The following AP5Z1 variants were observed in gnomAD, a reference collection of about 807,000 sequenced individuals.
The protein encoded by AP5Z1 is AP-5 complex subunit zeta-1.
In AP5Z1, 106 loss-of-function variants were observed where a neutral mutation model predicts 83.0. That is an observed-to-expected ratio of 1.28 (90% confidence interval 1.09 to 1.50). The LOEUF (loss-of-function observed/expected upper bound fraction) is 1.50, where lower values mean the gene tolerates loss of function less well. Among genes scored for constraint, AP5Z1 ranks in the 40% most tolerant of loss-of-function variants. AP5Z1 has a pLI of 0.00. For synonymous variants in AP5Z1, 751 were observed against 514.1 expected, an observed-to-expected ratio of 1.46 and a Z score of -6.23; for missense variants, 1,565 against 1,094.2, an observed-to-expected ratio of 1.43 and a Z score of -6.07.
chr7:4,785,074 C>G (rs754725437), intron 7 of AP5Z1, 26 bp downstream of exon 7: 2 of 1,575,634 alleles, frequency 1.3e-6, no homozygotes, highest in South Asian at 2.3e-5. Flanking sequence ...AGGGCACTGG[C>G]CTCCCCAGGG....
At chr7:4,780,584 G>A (rs1370809720) in intron 1 of AP5Z1, among the ~76,000 whole-genome samples, 1 of 152,156 alleles carries the variant, frequency 6.6e-6, no homozygotes, top group Non-Finnish European at 1.5e-5. Flanking sequence ...CCAACATGGT[G>A]AAACCCTGTC....
At chr7:4,788,800 C>A (rs764587833) in intron 12 of AP5Z1, 40 bp from the exon 13 acceptor site, 19 of 1,514,168 alleles carry the variant, frequency 1.3e-5, no homozygotes, top group Non-Finnish European at 1.4e-5. Context: ...GTCACCAGGT[C>A]GGGGAGCGGG....
At chr7:4,783,630 A>G (rs1781446897) in intron 4 of AP5Z1, 59 bp from the exon 5 acceptor site, 5 of 1,517,282 alleles carry the variant, frequency 3.3e-6, no homozygotes. Flanking sequence ...CAGCATCCCA[A>G]CAACCCAGGC....
intron 1 of AP5Z1, among the ~76,000 whole-genome samples, chr7:4,776,380 C>T (rs995069424): frequency 6.6e-6 from 1 of 151,966 alleles, no homozygotes; most frequent in African/African-American, 2.4e-5. Flanking sequence ...AACAGACTCA[C>T]GGTCCACCAA....
chr7:4,788,799 TC>T (rs1463352998), intron 12 of AP5Z1, 40 bp from the exon 13 acceptor site: 1 of 1,506,930 alleles, frequency 6.6e-7, no homozygotes, highest in African/African-American at 1.4e-5. Context: ...AGTCACCAGG[TC>T]GGGGAGCGGG....
chr7:4,783,893 G>A (rs1046042065), intron 5 of AP5Z1, 95 bp downstream of exon 5: 51 of 1,304,562 alleles, frequency 3.9e-5, no homozygotes, highest in East Asian at 7.6e-5. Flanking sequence ...GCCTGCTGTC[G>A]TTCCGCGGGG....
rs543467648 is a variant in AP5Z1 at position 4,790,699 on chromosome 7, G to C, written c.1965G>C (p.Ser655=). The C allele has an allele frequency of 1.4e-4, 225 of 1,611,372 alleles. 1 individual carries two copies. In the South Asian group the frequency reaches 2.4e-3, roughly 17 times the overall value. ...TGTGGGCCATCGGCGAGTACCTGTC[G>C]GTGACCTACGATCGGAGGTGCACCG... ...SVVWAIGEYL[S]VTYDRRCTVE... is the part of the protein sequence containing the mutation. The change falls in exon 16 of 17, where the codon TCG becomes TCC. Residue 655 remains serine, a synonymous_variant. Coordinates refer to ENST00000649063, the MANE Select transcript of AP5Z1 (RefSeq NM_014855.3).
chr7:4,790,232 C>T, intron 14 of AP5Z1: 3 of 1,549,538 alleles, frequency 1.9e-6, no homozygotes, highest in Non-Finnish European at 1.7e-6. Flanking sequence ...CATGCAGGCC[C>T]ATCCTGGTTC....
At chr7:4,783,989 C>T (rs751399698) in intron 5 of AP5Z1, among the ~76,000 whole-genome samples, 191 bp downstream of exon 5, 8 of 152,124 alleles carry the variant, frequency 5.3e-5, no homozygotes, top group East Asian at 1.9e-4. Context: ...GGTCTGTGCG[C>T]GGGTTCAGTC....
intron 1 of AP5Z1, among the ~76,000 whole-genome samples, chr7:4,777,816 G>A (rs959429841): frequency 6.6e-6 from 1 of 152,134 alleles, no homozygotes; most frequent in Admixed American, 6.6e-5. Context: ...CCTCTGTTAG[G>A]GTTTCAAGAA....
chr7:4,787,402 C>G (rs1370257855), intron 10 of AP5Z1, among the ~76,000 whole-genome samples: 1 of 152,138 alleles, frequency 6.6e-6, no homozygotes, highest in African/African-American at 2.4e-5. Context: ...GGGAGGATCA[C>G]TTGAGCCTGG....
Position 4,791,751 on chromosome 7 carries a change from A to AT in AP5Z1, c.*366_*367insT. On this transcript the variant is annotated 3_prime_UTR_variant, in exon 17 of 17. Transcript: ENST00000649063. ...GCTGCAGTAAAAGTAAATCTCCTTT[A>AT]ATAAGCGTCTGTATGAAGAGTGCGC... 3.3e-6 allele frequency: 1 copy of AT among 304,472 alleles called. No homozygotes were observed. Among genetic ancestry groups the AT allele is most frequent in the Non-Finnish European group, 6.2e-6 (1 of 162,274 alleles). 18.9% of individuals were successfully genotyped at this position (304,472 alleles called of 1,614,324 possible).
chr7:4,791,003 C>T (rs1326148266), intron 16 of AP5Z1, 112 bp from the exon 17 acceptor site: 4 of 1,464,366 alleles, frequency 2.7e-6, no homozygotes, highest in Middle Eastern at 2.2e-4. Flanking sequence ...CCTGGGTGGG[C>T]CCTGCTGAGC....
At position 4,784,342 on chromosome 7, in the gene AP5Z1, G is replaced by A; in HGVS notation, c.761G>A (p.Gly254Asp). 1 of 1,592,970 alleles carries A rather than the reference G, an allele frequency of 6.3e-7. No individual in the cohort carries two copies. Among genetic ancestry groups the A allele is most frequent in the Admixed American group, 1.7e-5 (1 of 57,566 alleles). Residue 254 changes from glycine to aspartate, a missense_variant, in exon 6 of 17, where the codon GGC becomes GAC. Transcript: ENST00000649063. ...CTGCGGGCGTGGCTGCTGCACAGCG[G>A]CCCCGAGGGCCCGGGCACCCTGGAC... ...SMLRAWLLHS[G>D]PEGPGTLDTD...
chr7:4,785,722 G>A (rs1044771618), intron 9 of AP5Z1, 38 bp downstream of exon 9: 10 of 1,412,906 alleles, frequency 7.1e-6, no homozygotes, highest in Non-Finnish European at 9.2e-6. Flanking sequence ...TCGGGGCTCT[G>A]CTTCTGCCTT....
At chr7:4,776,255 G>A (rs533898614) in intron 1 of AP5Z1, among the ~76,000 whole-genome samples, 1 of 151,598 alleles carries the variant, frequency 6.6e-6, no homozygotes, top group East Asian at 1.9e-4. Flanking sequence ...TAGCTAGGCT[G>A]AGAAATCACC....
At chr7:4,779,356 T>G (rs964309503) in intron 1 of AP5Z1, among the ~76,000 whole-genome samples, 1 of 145,494 alleles carries the variant, frequency 6.9e-6, no homozygotes, top group African/African-American at 2.6e-5. Context: ...TAACATGTTA[T>G]ATATCATAAC....
In AP5Z1 at chr7:4,785,619, G is replaced by T. The variant is rs770709077; in HGVS notation, c.1067G>T (p.Arg356Leu). 1.9e-6 allele frequency: 3 copies of T among 1,578,822 alleles called. No individual in the cohort carries two copies. The highest frequency in any genetic ancestry group is 2.3e-5 in the South Asian group (2 of 87,266). The change falls in exon 9 of 17, where the codon CGG becomes CTG. Residue 356 changes from arginine to leucine, a missense_variant. By Grantham distance (102) the Arg-to-Leu change is moderately radical. Transcript: ENST00000649063. ...SLSCLKALHG[R>L]VRGDPASVRV... ...TCCTGCCTGAAGGCCCTGCACGGGC[G>T]GGTGCGCGGGGACCCGGCCTCTGTG...
intron 1 of AP5Z1, among the ~76,000 whole-genome samples, chr7:4,777,782 A>C (rs1021631141): frequency 2.0e-5 from 3 of 152,132 alleles, no homozygotes; most frequent in Non-Finnish European, 2.9e-5. Flanking sequence ...TTCCCTATGT[A>C]ACATACATGA....
Sources: allele counts gnomAD v4.1 joint callset (sites outside exome capture counted in the v4.1 genomes callset), GRCh38; gene constraint gnomAD v4.1.1; transcripts MANE v1.5; gene names NCBI Gene and HGNC (gene_info 2026-07-23, HGNC 2026-07-21).